Variants in TRAPPC9 observed in about 807,000 individuals in gnomAD.
The protein encoded by TRAPPC9 is IKK2 binding protein.
In TRAPPC9, 83 loss-of-function variants were observed where a neutral mutation model predicts 124.0. The observed-to-expected ratio is 0.67, with a 90% CI of 0.56 to 0.80. TRAPPC9 has a LOEUF of 0.80. TRAPPC9 is among the 30% of genes least tolerant of loss of function. TRAPPC9 has a pLI of 0.00. For missense variants in TRAPPC9, 1,302 were observed against 1,508.3 expected, an observed-to-expected ratio of 0.86 and a Z score of 2.27; for synonymous variants, 638 against 617.5, an observed-to-expected ratio of 1.03 and a Z score of -0.49.
chr8:140,165,719 G>C (rs1008907062), intron 17 of TRAPPC9, among the ~76,000 whole-genome samples: 1 of 152,026 alleles, frequency 6.6e-6, no homozygotes, highest in Non-Finnish European at 1.5e-5. Flanking sequence ...GAAGTCCATA[G>C]AGCTCAAGTA....
intron 20 of TRAPPC9, among the ~76,000 whole-genome samples, chr8:139,888,815 T>C (rs1253087658): frequency 1.3e-5 from 2 of 152,248 alleles, no homozygotes; most frequent in East Asian, 1.9e-4. Flanking sequence ...GTTCGGATTC[T>C]AGCATTCACC....
chr8:140,167,791 G>C (rs2061872378), intron 17 of TRAPPC9, among the ~76,000 whole-genome samples: 1 of 152,088 alleles, frequency 6.6e-6, no homozygotes, highest in East Asian at 1.9e-4. Context: ...AGCTGACCCA[G>C]TACTTCTACA....
At chr8:139,811,269 T>C (rs1264154545) in intron 21 of TRAPPC9, among the ~76,000 whole-genome samples, 1 of 152,170 alleles carries the variant, frequency 6.6e-6, no homozygotes, top group Non-Finnish European at 1.5e-5. Context: ...CAGGAAGCAG[T>C]ATAAGCATTC....
At chr8:140,156,484 T>G (rs558020673) in intron 17 of TRAPPC9, among the ~76,000 whole-genome samples, 71 of 152,242 alleles carry the variant, frequency 4.7e-4, no homozygotes, top group Non-Finnish European at 8.2e-4. Flanking sequence ...AACAAATTAT[T>G]TTTTAATTAC....
At chr8:139,769,939 T>C (rs1820841185) in intron 21 of TRAPPC9, among the ~76,000 whole-genome samples, 1 of 152,368 alleles carries the variant, frequency 6.6e-6, no homozygotes, top group Middle Eastern at 3.4e-3. Context: ...ATATGACACT[T>C]GTGACCCTAG....
intron 21 of TRAPPC9, among the ~76,000 whole-genome samples, chr8:139,846,515 G>T (rs1248562162): frequency 1.3e-5 from 2 of 152,126 alleles, no homozygotes; most frequent in Admixed American, 6.5e-5. Context: ...ATTATCTCAG[G>T]AATAAGAAGA....
At chr8:139,844,906 C>A (rs1267418203) in intron 21 of TRAPPC9, among the ~76,000 whole-genome samples, 5 of 152,168 alleles carry the variant, frequency 3.3e-5, no homozygotes, top group African/African-American at 4.8e-5. Flanking sequence ...GCCTCAGCCA[C>A]CCCCATGCTC....
At chr8:140,426,034 G>A (rs2070410896) in intron 5 of TRAPPC9, among the ~76,000 whole-genome samples, 1 of 152,198 alleles carries the variant, frequency 6.6e-6, no homozygotes, top group African/African-American at 2.4e-5. Flanking sequence ...TTCAATTCTA[G>A]ACTGTTTTCA....
At position 140,077,804 on chromosome 8, in the gene TRAPPC9, G is replaced by A. The variant is rs181635268; in HGVS notation, c.2557-53725C>T. On this transcript the variant is annotated intron_variant, in intron 17 of 22. Transcript: ENST00000438773. The stretch of plus-strand genomic sequence containing the variant: ...GCGGAAGAATGATTGTGTAGAAAAC[G>A]GAAAGGCAGGAAAGCTGCAGGACCG... Among the ~76,000 whole-genome samples, 15 of 152,238 alleles carry A rather than the reference G, an allele frequency of 9.9e-5. No individual in the cohort carries two copies. In the East Asian group the frequency reaches 2.3e-3, roughly 24 times the overall value.
chr8:139,883,573 T>C (rs1453226284), intron 21 of TRAPPC9, among the ~76,000 whole-genome samples: 1 of 152,262 alleles, frequency 6.6e-6, no homozygotes, highest in Non-Finnish European at 1.5e-5. Flanking sequence ...TGGCTCTAAT[T>C]GTCCACTGTT....
intron 3 of TRAPPC9, among the ~76,000 whole-genome samples, chr8:140,437,982 CCTTT>C: frequency 6.6e-6 from 1 of 152,222 alleles, no homozygotes; most frequent in Middle Eastern, 3.4e-3. Context: ...TTTCTTCTTC[CCTTT>C]CTTTTAATTT....
At chr8:139,840,421 C>T (rs1440436096) in intron 21 of TRAPPC9, among the ~76,000 whole-genome samples, 2 of 152,218 alleles carry the variant, frequency 1.3e-5, no homozygotes, top group East Asian at 3.8e-4. Context: ...CATTGAGACT[C>T]AAATGCTTAA....
At chr8:139,749,470 T>C (rs1231975525) in intron 21 of TRAPPC9, among the ~76,000 whole-genome samples, 1 of 152,186 alleles carries the variant, frequency 6.6e-6, no homozygotes, top group Non-Finnish European at 1.5e-5. Context: ...GGCTCACTAT[T>C]TCATGTTCTC....
At chr8:140,371,235 A>T in intron 7 of TRAPPC9, 55 bp from the exon 8 acceptor site, 5 of 1,470,144 alleles carry the variant, frequency 3.4e-6, no homozygotes, top group Non-Finnish European at 4.6e-6. Context: ...AAGTGAAAAA[A>T]GAAGCACACA....
intron 21 of TRAPPC9, among the ~76,000 whole-genome samples, chr8:139,831,456 C>T (rs1235828467): frequency 6.6e-6 from 1 of 152,200 alleles, no homozygotes; most frequent in Non-Finnish European, 1.5e-5. Context: ...CAAGCACGCA[C>T]ACTAACACAC....
rs150386263 is a variant in TRAPPC9, at chr8:139,780,148, T to C, written c.3056-47946A>G. 5.6e-4 allele frequency among the ~76,000 whole-genome samples: 85 copies of C among 152,280 alleles called. 1 individual carries two copies. Among genetic ancestry groups the C allele is most frequent in the South Asian group, 2.7e-3 (13 of 4,830 alleles). The stretch of plus-strand genomic sequence containing the variant: ...ACCAACCATAATCCAACCGTGGACA[T>C]TGAAAAACTGATTCTAAAGTTTATA... On this transcript the variant is annotated intron_variant, in intron 21 of 22. Coordinates refer to ENST00000438773, the MANE Select transcript of TRAPPC9 (RefSeq NM_001160372.4).
intron 17 of TRAPPC9, among the ~76,000 whole-genome samples, chr8:140,161,063 C>T (rs1225009808): frequency 1.3e-5 from 2 of 152,162 alleles, no homozygotes; most frequent in Admixed American, 6.5e-5. Flanking sequence ...CTTGCTAAAA[C>T]GTCTCATGGC....
chr8:139,925,273 C>T (rs1312778423), intron 19 of TRAPPC9, among the ~76,000 whole-genome samples: 3 of 152,184 alleles, frequency 2.0e-5, no homozygotes, highest in African/African-American at 7.2e-5. Flanking sequence ...GAAACTCTAA[C>T]AGAAATATCG....
At chr8:139,796,204 T>C (rs1020317195) in intron 21 of TRAPPC9, among the ~76,000 whole-genome samples, 1 of 152,028 alleles carries the variant, frequency 6.6e-6, no homozygotes, top group South Asian at 2.1e-4. Flanking sequence ...GTGATTTTGC[T>C]TAAGAGGCTT....
Sources: allele counts gnomAD v4.1 joint callset (sites outside exome capture counted in the v4.1 genomes callset), GRCh38; gene constraint gnomAD v4.1.1; transcripts MANE v1.5; gene names NCBI Gene and HGNC (gene_info 2026-07-23, HGNC 2026-07-21).